Variants in PLIN4 observed in about 807,000 individuals in gnomAD.
The protein encoded by PLIN4 is perilipin-4.
A neutral mutation model predicts 52.4 loss-of-function variants in PLIN4; 57 were observed. The observed-to-expected ratio is 1.09, with a 90% CI of 0.88 to 1.36. The LOEUF (loss-of-function observed/expected upper bound fraction) is 1.36. PLIN4 is among the 40% of genes most tolerant of loss of function. The probability of loss-of-function intolerance (pLI) is 0.00; values close to 1 mark genes in which losing one functional copy is unlikely to be tolerated. For synonymous variants in PLIN4, 826 were observed against 785.4 expected (o/e 1.05, Z -0.86); for missense variants, 1,757 against 1,770.3 (o/e 0.99, Z 0.13).
In PLIN4 at chr19:4,511,140, A is replaced by G. The variant is rs201393664; in HGVS notation, c.2820T>C (p.Asn940=). ...TVCSGVTGAV[N]VAKGTVQTGV... ...CTGTCTGGACGGTCCCTTTGGCCAC[A>G]TTTACGGCACCAGTGACTCCACTGC... Residue 940 remains asparagine, a synonymous_variant, in exon 5 of 8, where the codon AAT becomes AAC. Coordinates refer to ENST00000301286, the MANE Select transcript of PLIN4 (RefSeq NM_001367868.2). 1.7e-5 allele frequency: 28 copies of G among 1,610,332 alleles called. No individual in the cohort carries two copies. In the African/African-American group the frequency reaches 3.7e-4, roughly 22 times the overall value.
chr19:4,510,542 T>C lies in PLIN4; in HGVS notation c.3418A>G (p.Thr1140Ala), dbSNP rs1330533061. 10 of 1,496,290 alleles carry C rather than the reference T, an allele frequency of 6.7e-6. No individual in the cohort carries two copies. The highest frequency in any genetic ancestry group is 8.9e-6 in the Non-Finnish European group (10 of 1,123,218). The allele number at this position is 1,496,290 out of a possible 1,614,324, so 92.7% of individuals were successfully genotyped here. A position where few individuals can be genotyped will look rare whatever the true frequency, so the allele number is the denominator to read the frequency against. ...GREDTGLLAT[T>A]HGPEEAPRLA... ...CGTGGGGCTTCTTCGGGGCCGTGTGTGGTGGCCAAAAGCCCCGTGTCCTCC... is the reference window on the plus strand; with the variant it reads ...CGTGGGGCTTCTTCGGGGCCGTGTGCGGTGGCCAAAAGCCCCGTGTCCTCC... The change falls in exon 5 of 8, where the codon ACA (threonine) becomes GCA (alanine). Residue 1140 changes from threonine (T) to alanine (A), a missense_variant. Physicochemically the swap from Thr to Ala is moderately conservative, Grantham distance 58 (BLOSUM62 0). Coordinates refer to ENST00000301286, the MANE Select transcript of PLIN4 (RefSeq NM_001367868.2).
intron 6 of PLIN4, among the ~76,000 whole-genome samples, chr19:4,505,393 C>G (rs1976061808): frequency 6.6e-6 from 1 of 152,194 alleles, no homozygotes; most frequent in Non-Finnish European, 1.5e-5. Context: ...ACACTGCCCA[C>G]TCAGCCGGGA....
Position 4,508,893 on chromosome 19 carries a change from C to T in PLIN4, c.3577G>A (p.Val1193Ile), listed in dbSNP as rs77763884. Residue 1193 changes from valine to isoleucine, a missense_variant, in exon 6 of 8, where the codon GTT becomes ATT. Physicochemically the swap from Val to Ile is conservative, Grantham distance 29 (BLOSUM62 3). Coordinates refer to ENST00000301286, the MANE Select transcript of PLIN4 (RefSeq NM_001367868.2). ...VLSAEQGSYFVRLGDLGPSFR... is the reference protein window; with the variant it reads ...VLSAEQGSYFIRLGDLGPSFR... ...CTGGGACCCAGGTCACCTAAACGAA[C>T]GAAGTAGCTCCCCTGTTCCGCCGAC... 0.018 allele frequency: 29,831 copies of T among 1,612,980 alleles called. 550 individuals carry two copies. Among genetic ancestry groups the T allele is most frequent in the African/African-American group, 0.073 (5,508 of 74,986 alleles).
chr19:4,504,339 C>G lies in PLIN4; in HGVS notation c.*120G>C. On this transcript the variant is annotated 3_prime_UTR_variant, in exon 8 of 8. Transcript: ENST00000301286. ...CCCCTCGGCGCTCAGCCAGCTGCAG[C>G]CCCAAAGGTCTAGGGCTTTAGGGAA... 1 of 1,056,472 alleles carries G rather than the reference C, an allele frequency of 9.5e-7. No homozygotes were observed. Among genetic ancestry groups the G allele is most frequent in the Non-Finnish European group, 1.3e-6 (1 of 761,644 alleles). 65.4% of individuals were successfully genotyped at this position (1,056,472 alleles called of 1,614,324 possible).
At chr19:4,514,342 G>A (rs1379114662) in intron 4 of PLIN4, among the ~76,000 whole-genome samples, 1 of 152,162 alleles carries the variant, frequency 6.6e-6, no homozygotes, top group Admixed American at 6.6e-5. Flanking sequence ...CAGCTATTTG[G>A]GAGGCTGAGG....
chr19:4,513,390 A>G lies in PLIN4; in HGVS notation c.570T>C (p.Gly190=), dbSNP rs1976491419. Residue 190 remains glycine, a synonymous_variant, in exon 5 of 8, where the codon GGT becomes GGC. Coordinates refer to ENST00000301286, the MANE Select transcript of PLIN4 (RefSeq NM_001367868.2). ...VNVAKGTVQA[G]VDTTKTVLTG... ...TCAGCACAGTCTTGGTGGTGTCCAC[A>G]CCGGCCTGTACGGTCCCTTTGGCCA... The G allele has an allele frequency of 1.2e-6, 2 of 1,611,732 alleles. No homozygotes were observed. Among genetic ancestry groups the G allele is most frequent in the African/African-American group, 2.7e-5 (2 of 74,386 alleles).
chr19:4,504,667 C>G lies in PLIN4; in HGVS notation c.3908G>C (p.Gly1303Ala). The G allele has an allele frequency of 6.2e-7, 1 of 1,603,428 alleles. No homozygotes were observed. The highest frequency in any genetic ancestry group is 8.5e-7 in the Non-Finnish European group (1 of 1,178,328). ...GLPAELQQPV[G>A]RARHSLCELY... ...CTCACAGAGGCTGTGCCGCGCCCGCCCCACTGGCTGCTGGAGCTCGGCGGG... is the reference window on the plus strand; with the variant it reads ...CTCACAGAGGCTGTGCCGCGCCCGCGCCACTGGCTGCTGGAGCTCGGCGGG... The change falls in exon 8 of 8, where the codon GGG becomes GCG. Residue 1303 changes from glycine (G) to alanine (A), a missense_variant. Transcript: ENST00000301286.
rs569805405 is a variant in PLIN4 at position 4,503,166 on chromosome 19, C to G, written c.*1293G>C. 1 of 152,290 alleles carries G rather than the reference C, an allele frequency of 6.6e-6. No individual in the cohort carries two copies. The highest frequency in any genetic ancestry group is 2.1e-4 in the South Asian group (1 of 4,822). The allele number at this position is 152,290 out of a possible 1,614,324, so 9.4% of individuals were successfully genotyped here. A position where few individuals can be genotyped will look rare whatever the true frequency, so the allele number is the denominator to read the frequency against. On this transcript the variant is annotated 3_prime_UTR_variant, in exon 8 of 8. Coordinates refer to ENST00000301286, the MANE Select transcript of PLIN4 (RefSeq NM_001367868.2). ...CGGCCCCTGGTGCACACGGTGACCC[C>G]TGGGGCCCCTCCACCCTTCCTCCCC...
In PLIN4 at chr19:4,502,523, G is replaced by T; in HGVS notation, c.*1936C>A. 1 of 270,420 alleles carries T rather than the reference G, an allele frequency of 3.7e-6. No individual in the cohort carries two copies. The highest frequency in any genetic ancestry group is 3.3e-5 in the South Asian group (1 of 29,890). The allele number at this position is 270,420 out of a possible 1,614,324, so 16.8% of individuals were successfully genotyped here. On this transcript the variant is annotated 3_prime_UTR_variant, in exon 8 of 8. Transcript: ENST00000301286. Reference sequence around the variant, plus strand: ...CCTGCATCTGGCAGCCCAGGGTCCAGGCAGGTGAGCAGGTCCGATGTGGGG... The same window carrying T: ...CCTGCATCTGGCAGCCCAGGGTCCATGCAGGTGAGCAGGTCCGATGTGGGG...
chr19:4,504,831 G>A (rs773803587), intron 7 of PLIN4, 30 bp downstream of exon 7: 100 of 1,602,214 alleles, frequency 6.2e-5, no homozygotes, highest in Admixed American at 1.0e-4. Context: ...TGGGCGGGGT[G>A]GGGGGACCCT....
intron 6 of PLIN4, among the ~76,000 whole-genome samples, chr19:4,508,349 C>T (rs1244704022): frequency 2.0e-5 from 3 of 152,192 alleles, no homozygotes; most frequent in East Asian, 3.9e-4. Flanking sequence ...CTCCGCCTCC[C>T]GGGTTCAACC....
At chr19:4,507,860 C>T (rs750162526) in intron 6 of PLIN4, among the ~76,000 whole-genome samples, 5 of 152,076 alleles carry the variant, frequency 3.3e-5, no homozygotes, top group African/African-American at 4.8e-5. Context: ...CCCCAGAGCA[C>T]GATCCGGCCC....
rs1976505675 is a variant in PLIN4, at chr19:4,513,637, G to A, written c.323C>T (p.Ser108Phe). 2 of 1,609,290 alleles carry A rather than the reference G, an allele frequency of 1.2e-6. No individual in the cohort carries two copies. Among genetic ancestry groups the A allele is most frequent in the East Asian group, 4.5e-5 (2 of 44,822 alleles). The change falls in exon 5 of 8, where the codon TCC becomes TTC. Residue 108 changes from serine (S) to phenylalanine (F), a missense_variant. This residue lies in a region of PLIN4 where 332 missense variants were observed against 310.8 expected (regional missense o/e 1.07). Coordinates refer to ENST00000301286, the MANE Select transcript of PLIN4 (RefSeq NM_001367868.2). ...KMSRAKDAVS[S>F]GVASVVDVAK... ...CACGTCCACCACGCTGGCCACCCCGGAGGACACGGCATCCTTGGCCCTGGA... is the reference window on the plus strand; with the variant it reads ...CACGTCCACCACGCTGGCCACCCCGAAGGACACGGCATCCTTGGCCCTGGA...
Position 4,502,548 on chromosome 19 carries a change from G to C in PLIN4, c.*1911C>G. 1 of 244,082 alleles carries C rather than the reference G, an allele frequency of 4.1e-6. No homozygotes were observed. The highest frequency in any genetic ancestry group is 8.0e-6 in the Non-Finnish European group (1 of 125,670). The allele number at this position is 244,082 out of a possible 1,614,324, so 15.1% of individuals were successfully genotyped here. A position where few individuals can be genotyped will look rare whatever the true frequency, so the allele number is the denominator to read the frequency against. On this transcript the variant is annotated 3_prime_UTR_variant, in exon 8 of 8. Transcript: ENST00000301286. ...GGCAGGTGAGCAGGTCCGATGTGGG[G>C]AGGACGAGGGTCCGCGAGGCTAGGC...
intron 5 of PLIN4, among the ~76,000 whole-genome samples, chr19:4,510,169 A>G (rs1976242953): frequency 6.6e-6 from 1 of 152,074 alleles, no homozygotes; most frequent in Non-Finnish European, 1.5e-5. Context: ...GATCGAGACC[A>G]TCCTGGCTAA....
In PLIN4 at chr19:4,512,467, G is replaced by T. The variant is rs777655207; in HGVS notation, c.1493C>A (p.Thr498Asn). ...GAGCCCAGTGGACACAGCATCTTTA[G>T]TGCCAGTCAGGACAGACTTTGTAGT... ...LDTTKSVLTG[T>N]KDAVSTGLTG... is the part of the protein sequence containing the mutation. Residue 498 changes from threonine to asparagine, a missense_variant, in exon 5 of 8, where the codon ACT (threonine) becomes AAT (asparagine). By Grantham distance (65) the Thr-to-Asn change is moderately conservative. Coordinates refer to ENST00000301286, the MANE Select transcript of PLIN4 (RefSeq NM_001367868.2). 2 of 1,605,738 alleles carry T rather than the reference G, an allele frequency of 1.2e-6. No individual in the cohort carries two copies. Among genetic ancestry groups the T allele is most frequent in the African/African-American group, 2.7e-5 (2 of 73,414 alleles).
rs371794548 is a variant in PLIN4, at chr19:4,510,652, G to C, written c.3308C>G (p.Pro1103Arg). The C allele has an allele frequency of 1.3e-6, 2 of 1,507,748 alleles. No individual in the cohort carries two copies. The highest frequency in any genetic ancestry group is 2.7e-5 in the South Asian group (2 of 74,366). 93.4% of individuals were successfully genotyped at this position (1,507,748 alleles called of 1,614,324 possible). A position where few individuals can be genotyped will look rare whatever the true frequency, so the allele number is the denominator to read the frequency against. ...STPPDVLSVG[P>R]EPAWEAAATT... ...GGCTGCGGCTTCCCAGGCAGGCTCCGGGCCTACACTGAGCACATCCGGGGG... is the reference window on the plus strand; with the variant it reads ...GGCTGCGGCTTCCCAGGCAGGCTCCCGGCCTACACTGAGCACATCCGGGGG... Residue 1103 changes from proline to arginine, a missense_variant, in exon 5 of 8, where the codon CCG (proline) becomes CGG (arginine). This residue lies in a region of PLIN4 where 712 missense variants were observed against 637.1 expected (regional missense o/e 1.12). Coordinates refer to ENST00000301286, the MANE Select transcript of PLIN4 (RefSeq NM_001367868.2).
rs761593173 is a variant in PLIN4 at position 4,502,481 on chromosome 19, T to TG, written c.*1977dup. 24 of 283,280 alleles carry TG rather than the reference T, an allele frequency of 8.5e-5. No homozygotes were observed. Among genetic ancestry groups the TG allele is most frequent in the South Asian group, 6.4e-4 (21 of 32,628 alleles). 17.5% of individuals were successfully genotyped at this position (283,280 alleles called of 1,614,324 possible). On this transcript the variant is annotated 3_prime_UTR_variant, in exon 8 of 8. Transcript: ENST00000301286. ...GCGCCCTGCCCCGCACCCACGAGGC[T>TG]GGGGGGTTTGATGCTTCCTGCATCT... is the stretch of plus-strand genomic sequence containing the variant.
chr19:4,510,782 G>C lies in PLIN4; in HGVS notation c.3178C>G (p.Pro1060Ala). ...GTGAGTCCACCCCAGGAGGTGGCGG[G>C]GGTACTAGGTAACCAGTTCTGGAAG... is the stretch of plus-strand genomic sequence containing the variant. Reference protein sequence around the residue: ...STFQNWLPSTPATSWGGLTSS... With the variant: ...STFQNWLPSTAATSWGGLTSS... The change falls in exon 5 of 8, where the codon CCC becomes GCC. Residue 1060 changes from proline (P) to alanine (A), a missense_variant. By Grantham distance (27) the Pro-to-Ala change is conservative. Transcript: ENST00000301286. The C allele has an allele frequency of 6.3e-7, 1 of 1,586,562 alleles. No homozygotes were observed. The highest frequency in any genetic ancestry group is 8.6e-7 in the Non-Finnish European group (1 of 1,163,312).
Sources: allele counts gnomAD v4.1 joint callset (sites outside exome capture counted in the v4.1 genomes callset), GRCh38; gene constraint gnomAD v4.1.1; regional missense constraint gnomAD v4.1.1; transcripts MANE v1.5; gene names NCBI Gene and HGNC (gene_info 2026-07-23, HGNC 2026-07-21).